Variants in WWOX observed in about 807,000 individuals in gnomAD.
WWOX encodes WW domain-containing oxidoreductase.
A neutral mutation model predicts 46.2 loss-of-function variants in WWOX; 69 were observed. The observed-to-expected ratio is 1.49, with a 90% CI of 1.23 to 1.82. The LOEUF is 1.82. WWOX is among the 40% of genes most tolerant of loss of function. The pLI is 0.00. For synonymous variants in WWOX, 359 were observed against 202.6 expected, an observed-to-expected ratio of 1.77 and a Z score of -6.56; for missense variants, 919 against 542.6, an observed-to-expected ratio of 1.69 and a Z score of -6.89.
At chr16:78,177,542 A>G (rs138942087) in intron 5 of WWOX, among the ~76,000 whole-genome samples, 1 of 152,302 alleles carries the variant, frequency 6.6e-6, no homozygotes, top group East Asian at 1.9e-4. Context: ...AGCTGGAGGA[A>G]GAGCATCCAC....
rs572760321 is a variant in WWOX at position 79,130,983 on chromosome 16, T to C, written c.1057-80625T>C. On this transcript the variant is annotated intron_variant, in intron 8 of 8. Transcript: ENST00000566780. Reference sequence around the variant, plus strand: ...AACTAGTGAGATGTGTGGGATATCATAAAAAGAACATTGACATAATCCTTT... The same window carrying C: ...AACTAGTGAGATGTGTGGGATATCACAAAAAGAACATTGACATAATCCTTT... Among the ~76,000 whole-genome samples the C allele has an allele frequency of 2.0e-5, 3 of 152,356 alleles. No individual in the cohort carries two copies. In the East Asian group the frequency reaches 5.8e-4, roughly 29 times the overall value.
intron 8 of WWOX, among the ~76,000 whole-genome samples, chr16:79,156,221 G>T (rs1259775914): frequency 6.6e-6 from 1 of 152,114 alleles, no homozygotes; most frequent in African/African-American, 2.4e-5. Flanking sequence ...GAGTGCAGTG[G>T]TACAATTTCA....
intron 6 of WWOX, 80 bp downstream of exon 6, chr16:78,387,028 A>C: frequency 7.1e-7 from 1 of 1,407,526 alleles, no homozygotes; most frequent in Non-Finnish European, 1.0e-6. Context: ...AATTGGGAGA[A>C]TGCAAGGCTG....
chr16:78,359,157 T>G (rs2081358569), intron 5 of WWOX, among the ~76,000 whole-genome samples: 1 of 152,194 alleles, frequency 6.6e-6, no homozygotes, highest in Non-Finnish European at 1.5e-5. Context: ...TTCCTATACC[T>G]TCACCATATC....
At chr16:78,285,664 C>T (rs541420661) in intron 5 of WWOX, among the ~76,000 whole-genome samples, 2 of 152,108 alleles carry the variant, frequency 1.3e-5, no homozygotes, top group African/African-American at 2.4e-5. Context: ...ACCATTCTGA[C>T]GGACTCTCGG....
intron 5 of WWOX, among the ~76,000 whole-genome samples, chr16:78,198,800 A>G (rs1398253677): frequency 6.6e-6 from 1 of 152,178 alleles, no homozygotes; most frequent in African/African-American, 2.4e-5. Context: ...ATATATATAT[A>G]TGCATTCACA....
intron 5 of WWOX, among the ~76,000 whole-genome samples, chr16:78,189,986 C>G (rs1206651692): frequency 3.3e-5 from 5 of 152,138 alleles, no homozygotes; most frequent in Non-Finnish European, 5.9e-5. Context: ...CAAGAACTCA[C>G]TTCCCACCCA....
chr16:79,137,582 G>C (rs1360272546), intron 8 of WWOX, among the ~76,000 whole-genome samples: 2 of 152,144 alleles, frequency 1.3e-5, no homozygotes, highest in African/African-American at 4.8e-5. Context: ...TCTGTTAGCT[G>C]TTTGTTTTGA....
At chr16:79,077,199 AG>A (rs1198133050) in intron 8 of WWOX, among the ~76,000 whole-genome samples, 1 of 152,282 alleles carries the variant, frequency 6.6e-6, no homozygotes, top group Non-Finnish European at 1.5e-5. Context: ...ACCAATCAGG[AG>A]CTTAAAACCC....
intron 8 of WWOX, among the ~76,000 whole-genome samples, chr16:78,849,942 C>G (rs911698866): frequency 2.0e-5 from 3 of 151,676 alleles, no homozygotes; most frequent in Admixed American, 6.6e-5. Context: ...TGTGATGGCA[C>G]AGGCCTGTAA....
At chr16:78,850,349 C>G (rs184547029) in intron 8 of WWOX, among the ~76,000 whole-genome samples, 1 of 152,066 alleles carries the variant, frequency 6.6e-6, no homozygotes, top group South Asian at 2.1e-4. Context: ...ATACTACATC[C>G]CGAGTGTTTC....
At chr16:78,859,133 G>T (rs549943085) in intron 8 of WWOX, among the ~76,000 whole-genome samples, 22 of 143,866 alleles carry the variant, frequency 1.5e-4, no homozygotes, top group Admixed American at 2.2e-4. Context: ...GCTCCTTGAT[G>T]TTCTCGGGGT....
At chr16:79,107,463 A>G (rs2049333863) in intron 8 of WWOX, among the ~76,000 whole-genome samples, 2 of 152,180 alleles carry the variant, frequency 1.3e-5, no homozygotes, top group East Asian at 1.9e-4. Flanking sequence ...AATAACAAAG[A>G]AAAGAAAAGA....
intron 8 of WWOX, among the ~76,000 whole-genome samples, chr16:78,440,281 G>T (rs1019919494): frequency 2.0e-5 from 3 of 152,130 alleles, no homozygotes; most frequent in East Asian, 3.9e-4. Context: ...CCATCCACTT[G>T]ACCCACCATA....
intron 8 of WWOX, among the ~76,000 whole-genome samples, chr16:78,717,750 A>G (rs1194938855): frequency 6.6e-6 from 1 of 152,174 alleles, no homozygotes; most frequent in African/African-American, 2.4e-5. Context: ...ACTCTGATGG[A>G]TCTAATCGAG....
intron 8 of WWOX, among the ~76,000 whole-genome samples, chr16:78,786,859 A>G (rs1175394176): frequency 1.3e-5 from 2 of 152,184 alleles, no homozygotes; most frequent in Admixed American, 6.6e-5. Flanking sequence ...AAAATTTACC[A>G]CTTTGGGGCT....
chr16:78,325,681 G>A (rs1035404543), intron 5 of WWOX, among the ~76,000 whole-genome samples: 2 of 152,226 alleles, frequency 1.3e-5, no homozygotes, highest in African/African-American at 4.8e-5. Flanking sequence ...CCTTCTTGGA[G>A]ATTGCTGCAA....
chr16:79,081,571 G>T (rs922799328), intron 8 of WWOX, among the ~76,000 whole-genome samples: 3 of 152,124 alleles, frequency 2.0e-5, no homozygotes, highest in African/African-American at 4.8e-5. Flanking sequence ...TCTTTGTGGG[G>T]CCCTGAACAA....
chr16:78,786,548 A>T (rs1164102480), intron 8 of WWOX, among the ~76,000 whole-genome samples: 2 of 152,158 alleles, frequency 1.3e-5, no homozygotes, highest in Non-Finnish European at 2.9e-5. Context: ...TAATTGTTTT[A>T]TTGAGATGTA....
Sources: allele counts gnomAD v4.1 joint callset (sites outside exome capture counted in the v4.1 genomes callset), GRCh38; gene constraint gnomAD v4.1.1; transcripts MANE v1.5; gene names NCBI Gene and HGNC (gene_info 2026-07-23, HGNC 2026-07-21).